The following SLC1A1 variants were observed in gnomAD, a reference collection of about 807,000 sequenced individuals.
SLC1A1 encodes excitatory amino acid transporter 3.
In SLC1A1, 43 loss-of-function variants were observed where a neutral mutation model predicts 53.3. The ratio of observed to expected loss-of-function variants is 0.81; its 90% CI spans 0.63 to 1.04. The LOEUF is 1.04. Among genes scored for constraint, SLC1A1 ranks in the 50% least tolerant of loss-of-function variants. SLC1A1 has a pLI of 0.00. For synonymous variants in SLC1A1, 307 were observed against 243.2 expected, an observed-to-expected ratio of 1.26 and a Z score of -2.44; for missense variants, 748 against 664.9, an observed-to-expected ratio of 1.12 and a Z score of -1.37.
chr9:4,526,467 T>G (rs1449929338), intron 1 of SLC1A1, among the ~76,000 whole-genome samples: 8 of 152,144 alleles, frequency 5.3e-5, no homozygotes, highest in Non-Finnish European at 1.0e-4. Flanking sequence ...TATAAAGGCA[T>G]GGACAAAAAG....
chr9:4,522,639 G>T (rs1816120197), intron 1 of SLC1A1, among the ~76,000 whole-genome samples: 1 of 152,154 alleles, frequency 6.6e-6, no homozygotes, highest in Non-Finnish European at 1.5e-5. Flanking sequence ...CTGCGTGGCT[G>T]GGGAGGCCTC....
At chr9:4,524,271 T>C (rs552164983) in intron 1 of SLC1A1, among the ~76,000 whole-genome samples, 22 of 152,324 alleles carry the variant, frequency 1.4e-4, no homozygotes, top group African/African-American at 5.3e-4. Flanking sequence ...AATGGGCATA[T>C]CGGAAAGGGT....
intron 1 of SLC1A1, among the ~76,000 whole-genome samples, chr9:4,515,326 A>G (rs954460723): frequency 2.0e-5 from 3 of 152,192 alleles, no homozygotes; most frequent in Non-Finnish European, 4.4e-5. Flanking sequence ...TGGGAAGAGT[A>G]TCAGATATTC....
At chr9:4,582,039 T>C (rs1821143578) in intron 10 of SLC1A1, among the ~76,000 whole-genome samples, 1 of 152,216 alleles carries the variant, frequency 6.6e-6, no homozygotes, top group South Asian at 2.1e-4. Context: ...CGGGCAACAG[T>C]TCAGGCCTTG....
At chr9:4,529,435 A>C (rs545901833) in intron 1 of SLC1A1, among the ~76,000 whole-genome samples, 1 of 152,114 alleles carries the variant, frequency 6.6e-6, no homozygotes, top group South Asian at 2.1e-4. Context: ...AAATGTCTCT[A>C]CTCTTTTGAT....
chr9:4,580,503 C>G (rs1820959591), intron 10 of SLC1A1, among the ~76,000 whole-genome samples: 1 of 151,216 alleles, frequency 6.6e-6, no homozygotes. Context: ...ATCGCTTGAG[C>G]CCAATAGGTG....
intron 1 of SLC1A1, among the ~76,000 whole-genome samples, chr9:4,500,395 C>G (rs1820592217): frequency 6.6e-6 from 1 of 152,164 alleles, no homozygotes; most frequent in South Asian, 2.1e-4. Flanking sequence ...GCAACCTCCA[C>G]CTCCCAGGTT....
rs538647581 is a variant in SLC1A1 at position 4,507,704 on chromosome 9, T to C, written c.91+16934T>C. Among the ~76,000 whole-genome samples the C allele has an allele frequency of 5.3e-5, 8 of 152,270 alleles. No homozygotes were observed. The East Asian group carries it at 1.5e-3, about 29-fold the overall frequency. On this transcript the variant is annotated intron_variant, in intron 1 of 11. Coordinates refer to ENST00000262352, the MANE Select transcript of SLC1A1 (RefSeq NM_004170.6). ...AGAATGTTGTGGAGACCCAGGTACT[T>C]CGACTTAGCATTCTGAGTTCAGAGT...
At chr9:4,493,225 T>C (rs1820298557) in intron 1 of SLC1A1, among the ~76,000 whole-genome samples, 1 of 152,218 alleles carries the variant, frequency 6.6e-6, no homozygotes, top group Admixed American at 6.5e-5. Context: ...GCAGTCCTGC[T>C]TCTGGTCTGA....
intron 1 of SLC1A1, among the ~76,000 whole-genome samples, chr9:4,530,915 C>T (rs10758630): frequency 0.99 from 151,434 of 152,348 alleles, 75,270 homozygotes; most frequent in Middle Eastern, 1. Flanking sequence ...CTTTGCTTGA[C>T]ATTTCATGCT....
intron 1 of SLC1A1, among the ~76,000 whole-genome samples, chr9:4,524,123 G>C (rs1005934179): frequency 6.6e-6 from 1 of 152,136 alleles, no homozygotes; most frequent in African/African-American, 2.4e-5. Flanking sequence ...TTGGCTAATT[G>C]ATCCTATGTG....
chr9:4,580,127 A>T (rs1471044303), intron 10 of SLC1A1, among the ~76,000 whole-genome samples: 5 of 152,088 alleles, frequency 3.3e-5, no homozygotes, highest in African/African-American at 4.8e-5. Context: ...GCTACTCAGG[A>T]GGCTGAAGTG....
At chr9:4,508,944 GGA>G (rs1820899045) in intron 1 of SLC1A1, among the ~76,000 whole-genome samples, 1 of 152,232 alleles carries the variant, frequency 6.6e-6, no homozygotes, top group African/African-American at 2.4e-5. Flanking sequence ...TGAAAGGGAA[GGA>G]GAGCACGAAT....
intron 1 of SLC1A1, among the ~76,000 whole-genome samples, chr9:4,524,949 C>A (rs1456319099): frequency 1.3e-5 from 2 of 152,138 alleles, no homozygotes; most frequent in Non-Finnish European, 1.5e-5. Flanking sequence ...AGGGCTCCCA[C>A]TGGGCCCTGC....
intron 1 of SLC1A1, among the ~76,000 whole-genome samples, chr9:4,505,508 A>G (rs899646285): frequency 6.6e-6 from 1 of 152,188 alleles, no homozygotes; most frequent in Non-Finnish European, 1.5e-5. Flanking sequence ...AATATCTACA[A>G]ATAAATAATC....
At chr9:4,534,108 G>A (rs1816582636) in intron 1 of SLC1A1, among the ~76,000 whole-genome samples, 1 of 152,142 alleles carries the variant, frequency 6.6e-6, no homozygotes, top group African/African-American at 2.4e-5. Flanking sequence ...CAGAAAGCAG[G>A]AAAGATCTAA....
At chr9:4,562,623 TAAG>T (rs907794035) in intron 3 of SLC1A1, among the ~76,000 whole-genome samples, 5 of 152,200 alleles carry the variant, frequency 3.3e-5, no homozygotes, top group African/African-American at 1.2e-4. Flanking sequence ...AGTGACATTT[TAAG>T]AAGAATGCCC....
chr9:4,518,421 C>G (rs1304438049), intron 1 of SLC1A1, among the ~76,000 whole-genome samples: 1 of 151,630 alleles, frequency 6.6e-6, no homozygotes. Flanking sequence ...GGCTGGAGTG[C>G]AGTGGCATGA....
intron 1 of SLC1A1, among the ~76,000 whole-genome samples, chr9:4,496,232 C>G (rs548730367): frequency 6.6e-6 from 1 of 151,930 alleles, no homozygotes; most frequent in Non-Finnish European, 1.5e-5. Context: ...GGGTGAGAGG[C>G]TCGGGGGCAG....
Sources: gnomAD v4.1 joint callset for allele counts (sites outside exome capture counted in the v4.1 genomes callset) on GRCh38, gnomAD v4.1.1 for gene constraint, MANE v1.5 for transcripts, NCBI Gene and HGNC (gene_info 2026-07-23, HGNC 2026-07-21) for gene names.